The following OPCML variants were observed in gnomAD, a reference collection of about 807,000 sequenced individuals.
The protein encoded by OPCML is opioid binding protein/cell adhesion molecule like, also known as opioid-binding protein/cell adhesion molecule.
Under a neutral mutation model 37.8 loss-of-function variants are expected in OPCML, and 13 were observed. The ratio of observed to expected loss-of-function variants is 0.34; its 90% CI spans 0.22 to 0.55. OPCML has a LOEUF of 0.55. Among genes scored for constraint, OPCML ranks in the 20% least tolerant of loss-of-function variants. OPCML has a pLI of 0.91. For missense variants in OPCML, 341 were observed against 435.6 expected (o/e 0.78, Z 1.93); for synonymous variants, 176 against 168.8 (o/e 1.04, Z -0.33).
intron 1 of OPCML, among the ~76,000 whole-genome samples, chr11:133,119,477 C>T (rs1455022026): frequency 6.6e-6 from 1 of 152,036 alleles, no homozygotes; most frequent in Non-Finnish European, 1.5e-5. Context: ...TGGGTCCCTT[C>T]ATCCAAAGGT....
At chr11:132,878,283 T>C (rs77786410) in intron 2 of OPCML, among the ~76,000 whole-genome samples, 1 of 152,246 alleles carries the variant, frequency 6.6e-6, no homozygotes, top group African/African-American at 2.4e-5. Context: ...GGTGCTTAGC[T>C]ATCTGGTTAA....
intron 3 of OPCML, among the ~76,000 whole-genome samples, chr11:132,654,902 G>T (rs546573346): frequency 1.3e-5 from 2 of 151,412 alleles, no homozygotes; most frequent in African/African-American, 2.4e-5. Flanking sequence ...GAGCCAGAGA[G>T]TAGCTTGGCC....
intron 1 of OPCML, among the ~76,000 whole-genome samples, chr11:133,265,709 T>C (rs1941637723): frequency 6.6e-6 from 1 of 151,572 alleles, no homozygotes; most frequent in Non-Finnish European, 1.5e-5. Context: ...TCTGAAGGAG[T>C]CAGGCTGAGT....
At chr11:133,033,596 T>C (rs1947712399) in intron 1 of OPCML, among the ~76,000 whole-genome samples, 1 of 152,240 alleles carries the variant, frequency 6.6e-6, no homozygotes, top group African/African-American at 2.4e-5. Context: ...CTTTACTTTG[T>C]TGGTCTTTAT....
intron 3 of OPCML, among the ~76,000 whole-genome samples, chr11:132,630,777 A>G (rs1355176421): frequency 2.6e-5 from 4 of 152,194 alleles, no homozygotes; most frequent in African/African-American, 9.6e-5. Flanking sequence ...TCCTTAGTAT[A>G]AGAAATAGGA....
intron 1 of OPCML, among the ~76,000 whole-genome samples, chr11:133,280,849 C>T (rs766783842): frequency 1.1e-4 from 16 of 152,122 alleles, no homozygotes; most frequent in East Asian, 3.9e-4. Context: ...TGGGATCAAC[C>T]GGTAACCAGA....
At chr11:132,599,308 AAGAAGAAGGAGGAGG>A (rs939109677) in intron 3 of OPCML, among the ~76,000 whole-genome samples, 5 of 150,248 alleles carry the variant, frequency 3.3e-5, no homozygotes, top group Non-Finnish European at 5.9e-5. Context: ...TATGAAAAAG[AAGAAGAAGGAGGAGG>A]AGAAGAAGGA....
At chr11:133,383,533 A>G (rs141131594) in intron 1 of OPCML, among the ~76,000 whole-genome samples, 20 of 152,226 alleles carry the variant, frequency 1.3e-4, no homozygotes, top group African/African-American at 4.8e-4. Flanking sequence ...ACTGCCACAT[A>G]CTTCTCTGTA....
At chr11:133,377,624 A>AAAAAAAAAAAAAAAAC in intron 1 of OPCML, among the ~76,000 whole-genome samples, 1 of 150,762 alleles carries the variant, frequency 6.6e-6, no homozygotes, top group Non-Finnish European at 1.5e-5. Context: ...AAAAAAAAAA[A>AAAAAAAAAAAAAAAAC]AAAGAGCACC....
chr11:133,449,009 C>T (rs1027485761), intron 1 of OPCML, among the ~76,000 whole-genome samples: 5 of 152,194 alleles, frequency 3.3e-5, no homozygotes, highest in Non-Finnish European at 5.9e-5. Context: ...ATTAAAACTA[C>T]AAGTGTGGAT....
intron 3 of OPCML, among the ~76,000 whole-genome samples, chr11:132,602,481 A>C (rs1026290113): frequency 2.6e-5 from 4 of 152,180 alleles, no homozygotes; most frequent in Non-Finnish European, 4.4e-5. Context: ...TTACAGTTAC[A>C]AAAAAATTCT....
chr11:133,100,991 C>T (rs966972968), intron 1 of OPCML, among the ~76,000 whole-genome samples: 1 of 152,134 alleles, frequency 6.6e-6, no homozygotes, highest in East Asian at 1.9e-4. Flanking sequence ...GTGGCATGAT[C>T]TCGGCTCACT....
intron 2 of OPCML, among the ~76,000 whole-genome samples, chr11:132,751,407 A>C (rs1172713426): frequency 6.6e-6 from 1 of 152,178 alleles, no homozygotes; most frequent in Non-Finnish European, 1.5e-5. Flanking sequence ...ACTTGATTAT[A>C]AGTGCTTAGA....
chr11:133,180,929 C>T (rs776740568), intron 1 of OPCML, among the ~76,000 whole-genome samples: 2 of 151,500 alleles, frequency 1.3e-5, no homozygotes, highest in East Asian at 1.9e-4. Context: ...TGTTATGTAG[C>T]AACTTTATTC....
rs1945643522 is a variant in OPCML, at chr11:132,943,160, GCGGGCT to G, written c.62-156_62-151del. On this transcript the variant is annotated intron_variant, in intron 1 of 7. Coordinates refer to ENST00000524381, the MANE Select transcript of OPCML (RefSeq NM_001012393.5). This position sits in a 1 kb window ranked among gnomAD's most constrained non-coding sequence, Gnocchi z 4.3. ...TCCTGGTCCCCCGCCCCGCGCACCAGCGGGCTCGGGAAGCGGTGCGGGGAGGAGGGA... is the reference window on the plus strand; with the variant it reads ...TCCTGGTCCCCCGCCCCGCGCACCAGCGGGAAGCGGTGCGGGGAGGAGGGA... 6.2e-7 allele frequency: 1 copy of G among 1,600,296 alleles called. No individual in the cohort carries two copies. The highest frequency in any genetic ancestry group is 1.7e-5 in the Admixed American group (1 of 59,536).
chr11:133,138,744 C>T (rs989124450), intron 1 of OPCML, among the ~76,000 whole-genome samples: 6 of 152,158 alleles, frequency 3.9e-5, no homozygotes, highest in South Asian at 2.1e-4. Flanking sequence ...TCCAAAGCTG[C>T]GTCTTAGAGC....
chr11:132,870,406 G>T (rs1429386571), intron 2 of OPCML, among the ~76,000 whole-genome samples: 3 of 152,154 alleles, frequency 2.0e-5, no homozygotes, highest in Non-Finnish European at 2.9e-5. Flanking sequence ...CACATGGTTG[G>T]TGGGGATGTC....
intron 1 of OPCML, among the ~76,000 whole-genome samples, chr11:133,109,001 G>A (rs955096278): frequency 1.3e-5 from 2 of 152,096 alleles, no homozygotes; most frequent in East Asian, 1.9e-4. Context: ...ACTTACCTGC[G>A]TTTACCTGTT....
intron 2 of OPCML, among the ~76,000 whole-genome samples, chr11:132,721,322 TCTTTA>T (rs1453872142): frequency 1.3e-5 from 2 of 152,112 alleles, no homozygotes; most frequent in East Asian, 3.9e-4. Flanking sequence ...TTCAGATAAG[TCTTTA>T]CTTTGGCCAG....
Sources: allele counts gnomAD v4.1 joint callset (sites outside exome capture counted in the v4.1 genomes callset), GRCh38; gene constraint gnomAD v4.1.1; non-coding constraint Gnocchi (gnomAD v3.1); transcripts MANE v1.5; gene names NCBI Gene and HGNC (gene_info 2026-07-23, HGNC 2026-07-21).